Variants in KLF8 observed in about 807,000 individuals in gnomAD.
KLF8 encodes KLF transcription factor 8.
KLF8 carries 10 observed loss-of-function variants against 18.2 expected under a neutral mutation model. The ratio of observed to expected loss-of-function variants is 0.55; its 90% CI spans 0.34 to 0.93. KLF8 has a LOEUF of 0.93. Among genes scored for constraint, KLF8 ranks in the 40% least tolerant of loss-of-function variants. KLF8 has a pLI of 0.02. For missense variants in KLF8, 264 were observed against 277.9 expected, an observed-to-expected ratio of 0.95 and a Z score of 0.36; for synonymous variants, 109 against 97.3, an observed-to-expected ratio of 1.12 and a Z score of -0.71.
the KLF8 span, among the ~76,000 whole-genome samples, chrX:55,917,238 C>T: frequency 3.6e-5 from 4 of 112,138 alleles, no homozygotes; most frequent in Admixed American, 9.5e-5. Context: ...AATGAAGCAA[C>T]TTCCTAGGAA....
At chrX:56,037,598 T>A in the KLF8 span, among the ~76,000 whole-genome samples, 1 of 112,018 alleles carries the variant, frequency 8.9e-6, no homozygotes, top group African/African-American at 3.2e-5. Flanking sequence ...TTACTTGTTT[T>A]TTGGACTATT....
At chrX:56,043,179 A>C in the KLF8 span, among the ~76,000 whole-genome samples, 7 of 110,429 alleles carry the variant, frequency 6.3e-5, no homozygotes, top group African/African-American at 2.3e-4. Context: ...TTCCACTGTG[A>C]GGTTCGCTGT....
chrX:56,027,237 A>AG, the KLF8 span, among the ~76,000 whole-genome samples: 7 of 111,653 alleles, frequency 6.3e-5, no homozygotes, highest in Non-Finnish European at 1.1e-4. Flanking sequence ...TTGAGGGAGT[A>AG]GGGGGGCTGT....
chrX:56,048,983 C>T, the KLF8 span, among the ~76,000 whole-genome samples: 1 of 111,588 alleles, frequency 9.0e-6, no homozygotes, highest in Non-Finnish European at 1.9e-5. Flanking sequence ...AGTTCCTTCA[C>T]ATCCCTTGTA....
chrX:55,987,463 T>A, the KLF8 span, among the ~76,000 whole-genome samples: 2 of 111,160 alleles, frequency 1.8e-5, no homozygotes, highest in African/African-American at 3.3e-5. Flanking sequence ...TGGTTTTTTG[T>A]CCTTGCAATA....
chrX:56,000,478 G>C, the KLF8 span, among the ~76,000 whole-genome samples: 1 of 70,327 alleles, frequency 1.4e-5, no homozygotes, highest in Non-Finnish European at 2.5e-5. Context: ...TTTTTCTTGG[G>C]GGGGGGGGGA....
At chrX:56,088,549 A>G in the KLF8 span, among the ~76,000 whole-genome samples, 1 of 111,698 alleles carries the variant, frequency 9.0e-6, no homozygotes, top group Admixed American at 9.5e-5. Context: ...TTCAAGTGGT[A>G]TTGTATTTCA....
At chrX:56,271,725 T>A (rs1044276504) in intron 5 of KLF8, among the ~76,000 whole-genome samples, 2 of 111,438 alleles carry the variant, frequency 1.8e-5, no homozygotes, top group Non-Finnish European at 3.8e-5. Flanking sequence ...TATATATATA[T>A]TCCATATATT....
chrX:56,259,409 G>T (rs1181014532), intron 2 of KLF8, among the ~76,000 whole-genome samples: 1 of 109,605 alleles, frequency 9.1e-6, no homozygotes, highest in Non-Finnish European at 1.9e-5. Context: ...TTTAAAGCTG[G>T]GCTGCTTTCT....
the KLF8 span, among the ~76,000 whole-genome samples, chrX:56,066,083 G>A: frequency 8.9e-6 from 1 of 111,808 alleles, no homozygotes; most frequent in African/African-American, 3.2e-5. Flanking sequence ...GGTAAAGGGT[G>A]TAGCATGAGT....
the KLF8 span, among the ~76,000 whole-genome samples, chrX:56,023,647 C>CTTT: frequency 9.5e-6 from 1 of 105,088 alleles, no homozygotes. Flanking sequence ...GGTATTCATA[C>CTTT]TTTTTTTTTT....
At chrX:56,144,168 T>G in the KLF8 span, among the ~76,000 whole-genome samples, 2 of 111,674 alleles carry the variant, frequency 1.8e-5, no homozygotes, top group South Asian at 7.5e-4. Flanking sequence ...CATATACAAA[T>G]ATTAACTTAA....
At chrX:56,155,165 T>C in the KLF8 span, among the ~76,000 whole-genome samples, 1 of 111,693 alleles carries the variant, frequency 9.0e-6, no homozygotes, top group Non-Finnish European at 1.9e-5. Context: ...CGTATATTTA[T>C]TGTGGCACTA....
At position 56,288,849 on chromosome X, in the gene KLF8, G is replaced by A. The variant is rs1401267334; in HGVS notation, c.*4355G>A. Among the ~76,000 whole-genome samples the A allele has an allele frequency of 5.4e-5, 6 of 111,860 alleles. No individual in the cohort carries two copies. Among genetic ancestry groups the A allele is most frequent in the Admixed American group, 1.9e-4 (2 of 10,541 alleles). Reference sequence around the variant, plus strand: ...AAGCACAATAAAACGAGGTATGCCTGTATTTACATGACTCATCACTGTTGT... The same window carrying A: ...AAGCACAATAAAACGAGGTATGCCTATATTTACATGACTCATCACTGTTGT... On this transcript the variant is annotated 3_prime_UTR_variant, in exon 6 of 6. Transcript: ENST00000468660.
chrX:56,187,813 A>G, the KLF8 span, among the ~76,000 whole-genome samples: 1 of 112,192 alleles, frequency 8.9e-6, no homozygotes, highest in Non-Finnish European at 1.9e-5. Context: ...GCCTTTGACA[A>G]AATTCAACAA....
chrX:56,135,587 T>C, the KLF8 span, among the ~76,000 whole-genome samples: 1 of 110,397 alleles, frequency 9.1e-6, no homozygotes, highest in Admixed American at 9.7e-5. Context: ...CTTTAGGAGA[T>C]ATACCTAATG....
the KLF8 span, among the ~76,000 whole-genome samples, chrX:56,187,219 C>G: frequency 2.7e-5 from 3 of 111,839 alleles, no homozygotes; most frequent in Admixed American, 9.5e-5. Flanking sequence ...GAAATACAAA[C>G]TACCATCAGA....
the KLF8 span, among the ~76,000 whole-genome samples, chrX:56,177,612 A>T: frequency 1.1e-4 from 12 of 111,392 alleles, no homozygotes; most frequent in African/African-American, 3.9e-4. Context: ...TGGGAGAACC[A>T]CTAATCTCTT....
chrX:56,209,316 G>A, the KLF8 span, among the ~76,000 whole-genome samples: 1 of 110,477 alleles, frequency 9.1e-6, no homozygotes, highest in African/African-American at 3.3e-5. Flanking sequence ...AATATCTTTT[G>A]GTATTTTTTC....
Sources: allele counts gnomAD v4.1 joint callset (sites outside exome capture counted in the v4.1 genomes callset), GRCh38; gene constraint gnomAD v4.1.1; transcripts MANE v1.5; gene names NCBI Gene and HGNC (gene_info 2026-07-23, HGNC 2026-07-21).